Variants in ALK observed in about 807,000 individuals in gnomAD.
ALK encodes ALK tyrosine kinase receptor.
A neutral mutation model predicts 163.1 loss-of-function variants in ALK; 74 were observed. The ratio of observed to expected loss-of-function variants is 0.45; its 90% CI spans 0.38 to 0.55. ALK has a LOEUF of 0.55. Ranked by LOEUF, ALK falls within the 20% of genes least tolerant of loss-of-function variation. ALK has a pLI of 0.00. For missense variants in ALK, 2,063 were observed against 2,105.3 expected, an observed-to-expected ratio of 0.98 and a Z score of 0.39; for synonymous variants, 960 against 843.2, an observed-to-expected ratio of 1.14 and a Z score of -2.40.
At position 29,358,745 on chromosome 2, in the gene ALK, T is replaced by C. The variant is rs116677669; in HGVS notation, c.1282+24987A>G. On this transcript the variant is annotated intron_variant, in intron 5 of 28. Transcript: ENST00000389048. ...TCTCAGTGAGGGGCAGGCACTGATATATTTTCTCCCATTTGGAATCACATG... is the reference window on the plus strand; with the variant it reads ...TCTCAGTGAGGGGCAGGCACTGATACATTTTCTCCCATTTGGAATCACATG... Among the ~76,000 whole-genome samples the C allele has an allele frequency of 1.4e-3, 220 of 152,314 alleles. 1 individual carries two copies. The highest frequency in any genetic ancestry group is 5.0e-3 in the African/African-American group (207 of 41,558).
intron 1 of ALK, among the ~76,000 whole-genome samples, chr2:29,894,884 A>T (rs1319148004): frequency 6.6e-6 from 1 of 151,738 alleles, no homozygotes; most frequent in Non-Finnish European, 1.5e-5. Flanking sequence ...ACACCCCGAC[A>T]TACTCCTCTT....
intron 3 of ALK, among the ~76,000 whole-genome samples, chr2:29,559,812 C>T (rs570177947): frequency 9.5e-6 from 1 of 105,496 alleles, no homozygotes; most frequent in Admixed American, 1.0e-4. Flanking sequence ...TATTAGTTCA[C>T]ACATTATCCT....
chr2:29,751,409 C>G (rs1680363544), intron 1 of ALK, among the ~76,000 whole-genome samples: 1 of 152,142 alleles, frequency 6.6e-6, no homozygotes, highest in Non-Finnish European at 1.5e-5. Context: ...GATGTATGTG[C>G]AGTCCTTCAT....
intron 3 of ALK, among the ~76,000 whole-genome samples, chr2:29,571,836 G>A (rs1246162840): frequency 1.3e-5 from 2 of 151,832 alleles, no homozygotes; most frequent in African/African-American, 2.4e-5. Flanking sequence ...GGCTGGTCTC[G>A]AACTCCTGAC....
chr2:29,844,728 G>C (rs574064532), intron 1 of ALK, among the ~76,000 whole-genome samples: 1 of 152,238 alleles, frequency 6.6e-6, no homozygotes, highest in South Asian at 2.1e-4. Flanking sequence ...ATCCATCCAA[G>C]TGACTGACAA....
chr2:29,393,015 T>G (rs77520491), intron 4 of ALK, among the ~76,000 whole-genome samples: 1 of 2,270 alleles, frequency 4.4e-4, no homozygotes, highest in Non-Finnish European at 2.9e-3. Flanking sequence ...TCACTGAGTG[T>G]TCAAGGTCAC....
At chr2:29,240,633 C>A (rs1225596984) in intron 12 of ALK, among the ~76,000 whole-genome samples, 1 of 152,082 alleles carries the variant, frequency 6.6e-6, no homozygotes, top group African/African-American at 2.4e-5. Context: ...AACAAACAAC[C>A]CATCATGATG....
At chr2:29,223,692 T>G in intron 19 of ALK, 164 bp from the exon 20 acceptor site, 1 of 643,374 alleles carries the variant, frequency 1.6e-6, no homozygotes, top group Non-Finnish European at 2.7e-6. Context: ...AAAGAAGGTG[T>G]GTCTTTAATT....
chr2:29,229,844 G>A (rs1410060669), intron 15 of ALK, among the ~76,000 whole-genome samples: 1 of 152,208 alleles, frequency 6.6e-6, no homozygotes, highest in East Asian at 1.9e-4. Context: ...CTGCTCCAAG[G>A]TCAGGAGCAG....
chr2:29,198,155 T>C (rs769717477), intron 26 of ALK, among the ~76,000 whole-genome samples: 5 of 152,214 alleles, frequency 3.3e-5, no homozygotes, highest in Non-Finnish European at 7.3e-5. Context: ...AAGGAAGATT[T>C]CCTTAAGATA....
intron 3 of ALK, among the ~76,000 whole-genome samples, chr2:29,668,066 G>C (rs545149288): frequency 1.8e-4 from 28 of 152,108 alleles, no homozygotes; most frequent in South Asian, 1.2e-3. Flanking sequence ...TTGCCAATTT[G>C]CTGGCATATA....
At chr2:29,614,532 G>A (rs1675787527) in intron 3 of ALK, among the ~76,000 whole-genome samples, 1 of 152,148 alleles carries the variant, frequency 6.6e-6, no homozygotes, top group Non-Finnish European at 1.5e-5. Flanking sequence ...CAAATGATCT[G>A]GAGACCGACA....
chr2:29,396,511 T>C (rs979779761), intron 4 of ALK, among the ~76,000 whole-genome samples: 23 of 151,940 alleles, frequency 1.5e-4, no homozygotes. Context: ...CTGTCTCTAC[T>C]AAAAATACAA....
intron 1 of ALK, among the ~76,000 whole-genome samples, chr2:29,898,621 G>A (rs534812725): frequency 2.3e-4 from 35 of 152,214 alleles, no homozygotes; most frequent in South Asian, 6.2e-4. Flanking sequence ...AGAAGTAACC[G>A]CCACATCAAG....
At chr2:29,449,204 A>G (rs1242699038) in intron 4 of ALK, among the ~76,000 whole-genome samples, 1 of 152,184 alleles carries the variant, frequency 6.6e-6, no homozygotes, top group African/African-American at 2.4e-5. Context: ...TAGGGATATA[A>G]GATGGATAAG....
intron 1 of ALK, among the ~76,000 whole-genome samples, chr2:29,884,478 G>A (rs1666941331): frequency 6.6e-6 from 1 of 152,138 alleles, no homozygotes; most frequent in Non-Finnish European, 1.5e-5. Context: ...AAAAAAATGT[G>A]AAGCCATTGC....
intron 4 of ALK, among the ~76,000 whole-genome samples, chr2:29,520,556 T>C (rs1248724150): frequency 6.6e-6 from 1 of 152,038 alleles, no homozygotes; most frequent in Non-Finnish European, 1.5e-5. Flanking sequence ...AGGCAGCAAA[T>C]GGTGGTGCAA....
At chr2:29,642,370 A>T (rs768860101) in intron 3 of ALK, among the ~76,000 whole-genome samples, 3 of 152,218 alleles carry the variant, frequency 2.0e-5, no homozygotes, top group Non-Finnish European at 4.4e-5. Context: ...CTTTATCAGC[A>T]AGGACAGAAT....
intron 11 of ALK, among the ~76,000 whole-genome samples, chr2:29,268,794 G>C (rs1381108807): frequency 2.0e-5 from 3 of 152,140 alleles, no homozygotes. Context: ...GCTTGACTTT[G>C]AACCCTGGCC....
Sources: gnomAD v4.1 joint callset for allele counts (sites outside exome capture counted in the v4.1 genomes callset) on GRCh38, gnomAD v4.1.1 for gene constraint, MANE v1.5 for transcripts, NCBI Gene and HGNC (gene_info 2026-07-23, HGNC 2026-07-21) for gene names.